The following PTPRU variants were observed in gnomAD, a reference collection of about 807,000 sequenced individuals.
The protein encoded by PTPRU is receptor-type tyrosine-protein phosphatase U.
Under a neutral mutation model 166.3 loss-of-function variants are expected in PTPRU, and 69 were observed. The observed-to-expected ratio is 0.41, with a 90% CI of 0.34 to 0.51. The LOEUF (loss-of-function observed/expected upper bound fraction) is 0.51, where lower values mean the gene tolerates loss of function less well. PTPRU is among the 20% of genes least tolerant of loss of function. The pLI is 0.09. For missense variants in PTPRU, 1,657 were observed against 2,013.7 expected, an observed-to-expected ratio of 0.82 and a Z score of 3.39; for synonymous variants, 793 against 814.0, an observed-to-expected ratio of 0.97 and a Z score of 0.44.
rs1683898458 is a variant in PTPRU, at chr1:29,238,641, C to T, written c.73+1924C>T. ...CCATAGGGCACAGCTTTAGCTTTGA[C>T]CTCCCCGTTCCCGAAAGGACGCCCA... On this transcript the variant is annotated intron_variant, in intron 1 of 29. Transcript: ENST00000373779. The surrounding 1 kb of genome is among the most constrained non-coding windows in gnomAD (Gnocchi z 6.1). 6.6e-6 allele frequency among the ~76,000 whole-genome samples: 1 copy of T among 152,208 alleles called. No homozygotes were observed. Among genetic ancestry groups the T allele is most frequent in the Admixed American group, 6.5e-5 (1 of 15,290 alleles).
intron 26 of PTPRU, 198 bp from the exon 27 acceptor site, chr1:29,323,173 T>C (rs1688239145): frequency 3.1e-6 from 2 of 638,040 alleles, no homozygotes; most frequent in Non-Finnish European, 2.7e-6. Flanking sequence ...GCAGAACGCA[T>C]TGGGGCAGGT....
chr1:29,325,256 A>G lies in PTPRU; in HGVS notation c.4178A>G (p.His1393Arg). 6.2e-7 allele frequency: 1 copy of G among 1,614,184 alleles called. No individual in the cohort carries two copies. Among genetic ancestry groups the G allele is most frequent in the Non-Finnish European group, 8.5e-7 (1 of 1,180,022 alleles). The part of the protein sequence containing the change: ...CATVLEMIRC[H>R]NLVDVFFAAK... ...ACGGTCCTGGAGATGATCCGCTGCC[A>G]CAACTTGGTGGACGTTTTCTTTGCT... The change falls in exon 29 of 30, where the codon CAC (histidine) becomes CGC (arginine). Residue 1393 changes from histidine (H) to arginine (R), a missense_variant. His to Arg is a conservative substitution (Grantham distance 29, BLOSUM62 0). This residue lies in a region of PTPRU where 1,190 missense variants were observed against 1,477.4 expected (regional missense o/e 0.81). Transcript: ENST00000373779.
At chr1:29,273,035 A>G (rs1217016155) in intron 7 of PTPRU, among the ~76,000 whole-genome samples, 1 of 152,080 alleles carries the variant, frequency 6.6e-6, no homozygotes. Context: ...AGCTGGGGAC[A>G]CTTTGCAGGC....
rs778343280 is a variant in PTPRU, at chr1:29,304,004, A to G, written c.2626A>G (p.Met876Val). 3.1e-6 allele frequency: 5 copies of G among 1,612,028 alleles called. No individual in the cohort carries two copies. Among genetic ancestry groups the G allele is most frequent in the Non-Finnish European group, 3.4e-6 (4 of 1,179,070 alleles). The change falls in exon 16 of 30, where the codon ATG (methionine) becomes GTG (valine). Residue 876 changes from methionine to valine, a missense_variant. Met to Val is a conservative substitution (Grantham distance 21, BLOSUM62 1). This residue lies in a region of PTPRU where 1,190 missense variants were observed against 1,477.4 expected (regional missense o/e 0.81). Transcript: ENST00000373779. ...AGACCTTCTGCAGCACATCAACCAG[A>G]TGAAGACGGCCGAGGGTTACGGCTT... ...VADLLQHINQ[M>V]KTAEGYGFKQ...
chr1:29,274,430 A>G (rs1574646338), intron 7 of PTPRU, among the ~76,000 whole-genome samples: 1 of 152,208 alleles, frequency 6.6e-6, no homozygotes, highest in East Asian at 1.9e-4. Context: ...TTATCATTAT[A>G]TAATAGATTG....
chr1:29,308,126 T>A (rs1375433743), intron 18 of PTPRU, among the ~76,000 whole-genome samples: 1 of 152,024 alleles, frequency 6.6e-6, no homozygotes, highest in Admixed American at 6.6e-5. Flanking sequence ...TTGATTTCTT[T>A]TTTCTTTTTT....
intron 1 of PTPRU, among the ~76,000 whole-genome samples, chr1:29,250,579 G>T (rs1034362395): frequency 1.3e-5 from 2 of 152,242 alleles, no homozygotes; most frequent in African/African-American, 4.8e-5. Flanking sequence ...CACCGGCTCA[G>T]GTGGTCATGG....
chr1:29,276,260 G>A (rs1358287130), intron 8 of PTPRU, among the ~76,000 whole-genome samples: 2 of 151,972 alleles, frequency 1.3e-5, no homozygotes, highest in Non-Finnish European at 2.9e-5. Flanking sequence ...AGGCTCAAGC[G>A]ATCCTCCCAC....
At chr1:29,285,962 C>T (rs1417742877) in intron 14 of PTPRU, among the ~76,000 whole-genome samples, 1 of 152,260 alleles carries the variant, frequency 6.6e-6, no homozygotes, top group Non-Finnish European at 1.5e-5. Flanking sequence ...GAGCCAGCTC[C>T]ACCCTTCCCC....
intron 14 of PTPRU, among the ~76,000 whole-genome samples, chr1:29,286,317 T>TCACACACA (rs1329930219): frequency 6.6e-6 from 1 of 152,224 alleles, no homozygotes; most frequent in East Asian, 1.9e-4. Flanking sequence ...CATCCATGAG[T>TCACACACA]ACATTAGTTA....
At chr1:29,249,733 G>C (rs1684466675) in intron 1 of PTPRU, among the ~76,000 whole-genome samples, 1 of 152,158 alleles carries the variant, frequency 6.6e-6, no homozygotes, top group African/African-American at 2.4e-5. Flanking sequence ...TGGACCCCTT[G>C]GTGGCTTGGT....
intron 7 of PTPRU, among the ~76,000 whole-genome samples, chr1:29,264,317 T>C (rs572198774): frequency 6.6e-6 from 1 of 152,308 alleles, no homozygotes; most frequent in South Asian, 2.1e-4. Context: ...TTTCAATTTA[T>C]CTATTTTTTT....
intron 18 of PTPRU, chr1:29,307,172 C>G (rs1271965496): frequency 6.2e-7 from 1 of 1,608,848 alleles, no homozygotes; most frequent in Non-Finnish European, 8.5e-7. Flanking sequence ...CCCTTCTCCT[C>G]CTCCTCCTCT....
At chr1:29,251,369 A>C (rs1684538478) in intron 1 of PTPRU, among the ~76,000 whole-genome samples, 2 of 152,090 alleles carry the variant, frequency 1.3e-5, no homozygotes, top group South Asian at 4.2e-4. Context: ...GGCAGAGGTC[A>C]GGGGTCACTG....
In PTPRU at chr1:29,258,675, G is replaced by A. The variant is rs1684881418; in HGVS notation, c.376G>A (p.Gly126Ser). Residue 126 changes from glycine (G) to serine (S), a missense_variant, in exon 3 of 30, where the codon GGC (glycine) becomes AGC (serine). This residue lies in a region of PTPRU where 453 missense variants were observed against 496.9 expected (regional missense o/e 0.91). Transcript: ENST00000373779. The stretch of plus-strand genomic sequence containing the variant: ...GGGCGTCTACGTGCGCGTTAATGGG[G>A]GCCCCCTGGGCAGTGCTGTGTGGAA... ...TLGVYVRVNGGPLGSAVWNMT... is the reference protein window; with the variant it reads ...TLGVYVRVNGSPLGSAVWNMT... The A allele has an allele frequency of 6.2e-7, 1 of 1,614,114 alleles. No homozygotes were observed. Among genetic ancestry groups the A allele is most frequent in the Non-Finnish European group, 8.5e-7 (1 of 1,180,040 alleles).
chr1:29,325,550 T>C, intron 29 of PTPRU, 49 bp from the exon 30 acceptor site: 1 of 1,563,546 alleles, frequency 6.4e-7, no homozygotes, highest in Non-Finnish European at 8.8e-7. Flanking sequence ...CCCACAATAC[T>C]GGAGTTGGGG....
chr1:29,310,347 G>A (rs1214373901), intron 18 of PTPRU, among the ~76,000 whole-genome samples: 1 of 152,134 alleles, frequency 6.6e-6, no homozygotes, highest in Non-Finnish European at 1.5e-5. Context: ...TATCCCACGT[G>A]TGGGATCTGG....
intron 26 of PTPRU, 123 bp from the exon 27 acceptor site, chr1:29,323,248 A>G (rs1688242697): frequency 7.6e-7 from 1 of 1,310,362 alleles, no homozygotes; most frequent in South Asian, 1.4e-5. Flanking sequence ...GTCTGGAGTG[A>G]GTGGGTGGGC....
intron 7 of PTPRU, among the ~76,000 whole-genome samples, chr1:29,264,222 A>G (rs1408351655): frequency 1.3e-5 from 2 of 151,406 alleles, no homozygotes; most frequent in African/African-American, 2.4e-5. Flanking sequence ...GATGCTTATC[A>G]GATGTTTATG....
Sources: allele counts gnomAD v4.1 joint callset (sites outside exome capture counted in the v4.1 genomes callset), GRCh38; gene constraint gnomAD v4.1.1; regional missense constraint gnomAD v4.1.1; non-coding constraint Gnocchi (gnomAD v3.1); transcripts MANE v1.5; gene names NCBI Gene and HGNC (gene_info 2026-07-23, HGNC 2026-07-21).